NRXN1: variants seen among roughly 807,000 people sequenced by gnomAD.
NRXN1 encodes the protein neurexin 1, also known as neurexin-1.
A neutral mutation model predicts 150.9 loss-of-function variants in NRXN1; 39 were observed. That is an observed-to-expected ratio of 0.26 (90% CI 0.20 to 0.34). The LOEUF (loss-of-function observed/expected upper bound fraction) is 0.34. Among genes scored for constraint, NRXN1 ranks in the 10% least tolerant of loss-of-function variants. The pLI, the probability that NRXN1 is intolerant of heterozygous loss-of-function variation, is 1.00. For synonymous variants in NRXN1, 924 were observed against 757.0 expected (o/e 1.22, Z -3.62); for missense variants, 1,815 against 1,949.9 (o/e 0.93, Z 1.30).
chr2:50,304,048 C>A (rs2074397128), intron 17 of NRXN1, among the ~76,000 whole-genome samples: 1 of 152,046 alleles, frequency 6.6e-6, no homozygotes, highest in African/African-American at 2.4e-5. Flanking sequence ...CCCCAATTAG[C>A]TGAAAGTCTT....
chr2:50,637,482 G>C (rs1041618041), intron 5 of NRXN1: 1 of 152,162 alleles, frequency 6.6e-6, no homozygotes, highest in Admixed American at 6.5e-5. Context: ...CAGATTAAGT[G>C]CAAACACACA....
chr2:50,454,361 T>C (rs2087309100), intron 17 of NRXN1, among the ~76,000 whole-genome samples: 1 of 151,838 alleles, frequency 6.6e-6, no homozygotes, highest in Non-Finnish European at 1.5e-5. Context: ...ATAATTAATA[T>C]GATAATATAC....
intron 8 of NRXN1, among the ~76,000 whole-genome samples, chr2:50,582,838 C>T (rs941706823): frequency 1.3e-5 from 2 of 152,076 alleles, no homozygotes; most frequent in East Asian, 1.9e-4. Context: ...CCCATCAACC[C>T]CCGCAATAGC....
chr2:50,910,800 C>G (rs930439649), intron 5 of NRXN1, among the ~76,000 whole-genome samples: 14 of 151,866 alleles, frequency 9.2e-5, no homozygotes, highest in Admixed American at 1.3e-4. Context: ...CTGCTAACAG[C>G]TAATCTTTGA....
At chr2:50,028,015 A>T (rs1688616287) in intron 21 of NRXN1, among the ~76,000 whole-genome samples, 1 of 152,116 alleles carries the variant, frequency 6.6e-6, no homozygotes, top group African/African-American at 2.4e-5. Context: ...GGGCATAAGT[A>T]CTGAGAGCAC....
At chr2:50,604,281 TA>T (rs1351471412) in intron 8 of NRXN1, among the ~76,000 whole-genome samples, 37 of 152,140 alleles carry the variant, frequency 2.4e-4, no homozygotes, top group Admixed American at 2.4e-3. Flanking sequence ...ATATTTCTGT[TA>T]AAAATGCGGG....
chr2:50,213,055 A>G (rs966422193), intron 18 of NRXN1, among the ~76,000 whole-genome samples: 3 of 151,932 alleles, frequency 2.0e-5, no homozygotes, highest in African/African-American at 7.2e-5. Flanking sequence ...GCTCATAGAA[A>G]TTAACATTGG....
chr2:50,136,075 C>G (rs1267028727), intron 18 of NRXN1, among the ~76,000 whole-genome samples: 1 of 152,148 alleles, frequency 6.6e-6, no homozygotes, highest in Non-Finnish European at 1.5e-5. Flanking sequence ...TTTTCTCTAA[C>G]AAAATCTCCT....
chr2:50,151,275 C>G (rs2058680295), intron 18 of NRXN1, among the ~76,000 whole-genome samples: 1 of 151,672 alleles, frequency 6.6e-6, no homozygotes, highest in Non-Finnish European at 1.5e-5. Flanking sequence ...CTTCAGGCTG[C>G]CTTTCTGACA....
chr2:50,253,446 A>C (rs761132372), intron 17 of NRXN1, among the ~76,000 whole-genome samples: 2 of 152,110 alleles, frequency 1.3e-5, no homozygotes, highest in Admixed American at 1.3e-4. Flanking sequence ...TTCCAATACA[A>C]TGTTGATTGG....
intron 21 of NRXN1, among the ~76,000 whole-genome samples, chr2:49,996,195 T>C (rs1682970365): frequency 1.3e-5 from 2 of 152,158 alleles, no homozygotes; most frequent in Admixed American, 6.5e-5. Flanking sequence ...ATTATGAAAG[T>C]TCACAGAGGT....
chr2:50,040,688 A>C (rs533817110), intron 21 of NRXN1, among the ~76,000 whole-genome samples: 22 of 152,276 alleles, frequency 1.4e-4, no homozygotes, highest in African/African-American at 5.3e-4. Flanking sequence ...ATATTAATGA[A>C]AACAATGTAT....
chr2:50,011,980 T>C (rs990748200), intron 21 of NRXN1, among the ~76,000 whole-genome samples: 1 of 152,056 alleles, frequency 6.6e-6, no homozygotes, highest in African/African-American at 2.4e-5. Flanking sequence ...AACACTGAAT[T>C]TGAAGAAATA....
intron 5 of NRXN1, among the ~76,000 whole-genome samples, chr2:50,921,385 G>C (rs983174469): frequency 2.6e-5 from 4 of 151,696 alleles, no homozygotes; most frequent in African/African-American, 9.7e-5. Context: ...TGCCTTTTTA[G>C]GTTACTACAG....
At chr2:50,986,961 G>C (rs1040751957) in intron 2 of NRXN1, among the ~76,000 whole-genome samples, 9 of 151,942 alleles carry the variant, frequency 5.9e-5, no homozygotes, top group African/African-American at 1.4e-4. Flanking sequence ...AGGATAATGA[G>C]AAAGCAGTAG....
At chr2:50,480,347 A>T (rs1573168722) in intron 15 of NRXN1, among the ~76,000 whole-genome samples, 1 of 152,108 alleles carries the variant, frequency 6.6e-6, no homozygotes. Flanking sequence ...CTTTGGAGGA[A>T]ATTAAATTTG....
At chr2:50,836,829 C>A (rs1672175222) in intron 5 of NRXN1, among the ~76,000 whole-genome samples, 2 of 137,724 alleles carry the variant, frequency 1.5e-5, no homozygotes. Context: ...ATCAATAAAG[C>A]ATCATAATTG....
intron 21 of NRXN1, among the ~76,000 whole-genome samples, chr2:50,009,373 A>G (rs1379255016): frequency 1.3e-5 from 2 of 152,146 alleles, no homozygotes; most frequent in Non-Finnish European, 2.9e-5. Context: ...AGTCACTTAT[A>G]TGAGGGCTAA....
chr2:50,522,530 C>G (rs2092816418), intron 12 of NRXN1, among the ~76,000 whole-genome samples: 1 of 152,038 alleles, frequency 6.6e-6, no homozygotes, highest in East Asian at 1.9e-4. Flanking sequence ...TATAAGCAAT[C>G]AGTAGATTAA....
Sources: gnomAD v4.1 joint callset for allele counts (sites outside exome capture counted in the v4.1 genomes callset) on GRCh38, gnomAD v4.1.1 for gene constraint, MANE v1.5 for transcripts, NCBI Gene and HGNC (gene_info 2026-07-23, HGNC 2026-07-21) for gene names.